The following CNKSR3 variants were observed in gnomAD, a reference collection of about 807,000 sequenced individuals.
CNKSR3 encodes connector enhancer of kinase suppressor of ras 3.
Under a neutral mutation model 67.7 loss-of-function variants are expected in CNKSR3, and 36 were observed. The ratio of observed to expected loss-of-function variants is 0.53; its 90% confidence interval spans 0.41 to 0.70. The LOEUF (loss-of-function observed/expected upper bound fraction) is 0.70. Ranked by LOEUF, CNKSR3 falls within the 30% of genes least tolerant of loss-of-function variation. The pLI is 0.00. For synonymous variants in CNKSR3, 281 were observed against 271.4 expected, an observed-to-expected ratio of 1.04 and a Z score of -0.35; for missense variants, 630 against 695.2, an observed-to-expected ratio of 0.91 and a Z score of 1.05.
rs1330898502 is a variant in CNKSR3 at position 154,441,301 on chromosome 6, T to C, written c.498A>G (p.Thr166=). ...ATGACATACTACTGACCTTCTGGACTGTAGTGGTCAGGTCCAAGCAAAGCT... is the reference window on the plus strand; with the variant it reads ...ATGACATACTACTGACCTTCTGGACCGTAGTGGTCAGGTCCAAGCAAAGCT... ...IIQLCLDLTT[T]VQKDCFVAEM... The change falls in exon 4 of 13, where the codon ACA becomes ACG. Residue 166 remains threonine, a synonymous_variant. Transcript: ENST00000607772. 1.9e-6 allele frequency: 3 copies of C among 1,582,974 alleles called. No homozygotes were observed. Among genetic ancestry groups the C allele is most frequent in the Admixed American group, 1.7e-5 (1 of 59,416 alleles).
intron 1 of CNKSR3, among the ~76,000 whole-genome samples, chr6:154,450,991 A>C (rs1361360841): frequency 2.0e-5 from 3 of 152,198 alleles, no homozygotes; most frequent in African/African-American, 7.2e-5. Flanking sequence ...ATTTCACTTA[A>C]GTTTAAATAA....
chr6:154,496,153 T>C (rs1786873830), intron 1 of CNKSR3, among the ~76,000 whole-genome samples: 2 of 152,182 alleles, frequency 1.3e-5, no homozygotes, highest in African/African-American at 4.8e-5. Flanking sequence ...GTGACTCTGA[T>C]GTCCACTAAC....
At chr6:154,505,779 C>T (rs959009407) in intron 1 of CNKSR3, among the ~76,000 whole-genome samples, 34 of 151,966 alleles carry the variant, frequency 2.2e-4, no homozygotes, top group Admixed American at 1.8e-3. Context: ...GGATTACAGG[C>T]GTGAGCCACC....
chr6:154,496,420 C>T lies in CNKSR3; in HGVS notation c.52+13643G>A, dbSNP rs570879616. ...GCTTTTCTGGTTCCACAGCAGCCCGCAGGAGAGGCCAGGCAGGAAGCAGCC... is the reference window on the plus strand; with the variant it reads ...GCTTTTCTGGTTCCACAGCAGCCCGTAGGAGAGGCCAGGCAGGAAGCAGCC... On this transcript the variant is annotated intron_variant, in intron 1 of 12. Transcript: ENST00000607772. Among the ~76,000 whole-genome samples the T allele has an allele frequency of 1.0e-3, 146 of 143,042 alleles. 4 individuals carry two copies. Among genetic ancestry groups the T allele is most frequent in the Non-Finnish European group, 1.9e-3 (117 of 62,382 alleles). 93.8% of individuals were successfully genotyped at this position (143,042 alleles called of 152,430 possible).
intron 1 of CNKSR3, among the ~76,000 whole-genome samples, chr6:154,483,125 G>C (rs1324302080): frequency 6.6e-6 from 1 of 152,206 alleles, no homozygotes; most frequent in Non-Finnish European, 1.5e-5. Context: ...GTCTCAAACA[G>C]AGCCTGCTGT....
chr6:154,474,413 A>C lies in CNKSR3; in HGVS notation c.53-24155T>G, dbSNP rs1266022470. On this transcript the variant is annotated intron_variant, in intron 1 of 12. Coordinates refer to ENST00000607772, the MANE Select transcript of CNKSR3 (RefSeq NM_173515.4). ...GGGTGACAAAGCAAGACTCCGTCTC[A>C]AAAAAAAAAAAGTGGGGGGGGGCAA... Among the ~76,000 whole-genome samples the C allele has an allele frequency of 5.1e-4, 22 of 42,772 alleles. No homozygotes were observed. In the African/African-American group the frequency reaches 0.01, roughly 20 times the overall value. 28.1% of individuals were successfully genotyped at this position (42,772 alleles called of 152,430 possible). A position where few individuals can be genotyped will look rare whatever the true frequency, so the allele number is the denominator to read the frequency against.
chr6:154,489,028 T>C (rs1582899275), intron 1 of CNKSR3, among the ~76,000 whole-genome samples: 1 of 151,710 alleles, frequency 6.6e-6, no homozygotes, highest in East Asian at 1.9e-4. Flanking sequence ...CCTTCAGAGG[T>C]GGGGTTTTGT....
chr6:154,504,845 T>C (rs957923539), intron 1 of CNKSR3, among the ~76,000 whole-genome samples: 1 of 151,570 alleles, frequency 6.6e-6, no homozygotes, highest in Admixed American at 6.5e-5. Context: ...CATCTCTGTA[T>C]TAAAAAATAA....
chr6:154,444,597 T>A (rs1035848673), intron 2 of CNKSR3, among the ~76,000 whole-genome samples: 4 of 149,650 alleles, frequency 2.7e-5, no homozygotes, highest in Non-Finnish European at 5.9e-5. Flanking sequence ...CCCTCTGAAG[T>A]GGAGAAACTT....
intron 1 of CNKSR3, among the ~76,000 whole-genome samples, chr6:154,493,260 C>A (rs1259949613): frequency 6.6e-6 from 1 of 152,174 alleles, no homozygotes; most frequent in Non-Finnish European, 1.5e-5. Context: ...CCCTGGTCAT[C>A]CTAGTTAAAA....
At position 154,404,780 on chromosome 6, in the gene CNKSR3, T is replaced by G. The variant is rs538765371; in HGVS notation, c.*1574A>C. The stretch of plus-strand genomic sequence containing the variant: ...CTGGAAGGTGGAGGTTGCAGTGAGC[T>G]GAGATTGCGCCACTGCACTCCAGCC... On this transcript the variant is annotated 3_prime_UTR_variant, in exon 13 of 13. Transcript: ENST00000607772. 1.3e-5 allele frequency: 2 copies of G among 152,340 alleles called. No individual in the cohort carries two copies. Among genetic ancestry groups the G allele is most frequent in the Admixed American group, 1.3e-4 (2 of 15,286 alleles). The allele number at this position is 152,340 out of a possible 1,614,324, so 9.4% of individuals were successfully genotyped here.
intron 12 of CNKSR3, among the ~76,000 whole-genome samples, chr6:154,409,019 C>T (rs1784857013): frequency 6.6e-6 from 1 of 152,182 alleles, no homozygotes; most frequent in African/African-American, 2.4e-5. Flanking sequence ...TAAATCTAAA[C>T]AACGGACAGC....
chr6:154,490,251 A>G (rs1295380012), intron 1 of CNKSR3, among the ~76,000 whole-genome samples: 1 of 152,136 alleles, frequency 6.6e-6, no homozygotes, highest in Non-Finnish European at 1.5e-5. Flanking sequence ...AGCTTCCCCT[A>G]CAGTAGGGTG....
intron 6 of CNKSR3, 123 bp from the exon 7 acceptor site, chr6:154,428,310 T>C (rs1033315815): frequency 7.6e-6 from 5 of 660,310 alleles, no homozygotes; most frequent in African/African-American, 1.8e-5. Flanking sequence ...TTTTTCAGCC[T>C]CCTGAAACAT....
At chr6:154,486,640 A>T (rs565879603) in intron 1 of CNKSR3, among the ~76,000 whole-genome samples, 1 of 138,436 alleles carries the variant, frequency 7.2e-6, no homozygotes, top group Non-Finnish European at 1.5e-5. Context: ...TTACAGGCAC[A>T]CACCACCACA....
intron 7 of CNKSR3, among the ~76,000 whole-genome samples, chr6:154,423,235 C>T (rs1236804327): frequency 6.6e-5 from 10 of 152,266 alleles, no homozygotes; most frequent in Admixed American, 3.9e-4. Flanking sequence ...TTCAGCTAAT[C>T]TATCGGGAAG....
chr6:154,455,767 G>A (rs1180531283), intron 1 of CNKSR3, among the ~76,000 whole-genome samples: 1 of 152,048 alleles, frequency 6.6e-6, no homozygotes. Context: ...TATTGATTGT[G>A]ATATCAGTTA....
intron 1 of CNKSR3, among the ~76,000 whole-genome samples, chr6:154,461,160 C>T (rs11155975): frequency 0.31 from 46,895 of 151,946 alleles, 7,716 homozygotes; most frequent in East Asian, 0.42. Flanking sequence ...GGGTGCTGGC[C>T]GGGTTATCAT....
intron 2 of CNKSR3, among the ~76,000 whole-genome samples, chr6:154,444,468 C>T (rs943300530): frequency 2.6e-5 from 4 of 152,066 alleles, no homozygotes; most frequent in South Asian, 2.1e-4. Context: ...CCCAAAAAAG[C>T]GCCACATGAT....
Sources: allele counts gnomAD v4.1 joint callset (sites outside exome capture counted in the v4.1 genomes callset), GRCh38; gene constraint gnomAD v4.1.1; transcripts MANE v1.5; gene names NCBI Gene and HGNC (gene_info 2026-07-23, HGNC 2026-07-21).